Variants in SLC15A5 observed in about 807,000 individuals in gnomAD.
The protein encoded by SLC15A5 is solute carrier family 15 member 5.
A neutral mutation model predicts 56.1 loss-of-function variants in SLC15A5; 58 were observed. That is an observed-to-expected ratio of 1.03 (90% CI 0.84 to 1.29). The LOEUF is 1.29. Among genes scored for constraint, SLC15A5 ranks in the 50% most tolerant of loss-of-function variants. The probability of loss-of-function intolerance (pLI) is 0.00; values close to 1 mark genes in which losing one functional copy is unlikely to be tolerated. For synonymous variants in SLC15A5, 264 were observed against 250.5 expected (o/e 1.05, Z -0.51); for missense variants, 681 against 672.1 (o/e 1.01, Z -0.15).
chr12:16,260,241 C>T (rs546279543), intron 2 of SLC15A5, among the ~76,000 whole-genome samples: 112 of 152,214 alleles, frequency 7.4e-4, no homozygotes, highest in African/African-American at 2.5e-3. Context: ...TCGGCTCTTA[C>T]CCATCTGTAC....
intron 2 of SLC15A5, among the ~76,000 whole-genome samples, chr12:16,264,611 T>A (rs1333053587): frequency 1.3e-5 from 2 of 152,142 alleles, no homozygotes; most frequent in East Asian, 3.9e-4. Flanking sequence ...TGTGTCCCCA[T>A]CCAAATTTCA....
intron 2 of SLC15A5, among the ~76,000 whole-genome samples, chr12:16,261,422 C>T (rs1367543098): frequency 6.6e-6 from 1 of 152,080 alleles, no homozygotes; most frequent in Non-Finnish European, 1.5e-5. Context: ...GTACCCATTC[C>T]TCTCTGTTGC....
At chr12:16,230,577 C>A (rs1317777168) in intron 5 of SLC15A5, among the ~76,000 whole-genome samples, 1 of 152,054 alleles carries the variant, frequency 6.6e-6, no homozygotes, top group African/African-American at 2.4e-5. Flanking sequence ...ATTATTTACA[C>A]CCAGAGAATA....
intron 3 of SLC15A5, among the ~76,000 whole-genome samples, chr12:16,251,784 G>C (rs1352648855): frequency 6.8e-5 from 3 of 43,952 alleles, no homozygotes; most frequent in African/African-American, 1.8e-4. Context: ...CTCTTCCAAA[G>C]ACTCTAAAAA....
intron 4 of SLC15A5, 68 bp downstream of exon 4, chr12:16,244,512 C>G: frequency 7.1e-7 from 1 of 1,405,242 alleles, no homozygotes; most frequent in East Asian, 2.5e-5. Context: ...GAAAATTCAC[C>G]TTGACTTGCA....
chr12:16,240,710 T>C (rs1023787232), intron 4 of SLC15A5, among the ~76,000 whole-genome samples: 3 of 152,190 alleles, frequency 2.0e-5, no homozygotes, highest in Non-Finnish European at 4.4e-5. Flanking sequence ...GGCAACCGAG[T>C]GTGATATCAG....
intron 5 of SLC15A5, among the ~76,000 whole-genome samples, chr12:16,236,096 C>G (rs1864349554): frequency 1.3e-5 from 2 of 152,064 alleles, no homozygotes; most frequent in East Asian, 3.9e-4. Flanking sequence ...TTTGTGTAAG[C>G]CTTAATAACA....
intron 5 of SLC15A5, among the ~76,000 whole-genome samples, chr12:16,230,478 T>C (rs1257472268): frequency 6.6e-6 from 1 of 152,184 alleles, no homozygotes; most frequent in Non-Finnish European, 1.5e-5. Flanking sequence ...TTAATACTTG[T>C]CCCATAGGCT....
chr12:16,255,065 C>T (rs1002608310), intron 3 of SLC15A5, among the ~76,000 whole-genome samples: 5 of 151,970 alleles, frequency 3.3e-5, no homozygotes, highest in Admixed American at 6.6e-5. Flanking sequence ...ATTACTATAC[C>T]TTATATGTAT....
chr12:16,266,367 A>T (rs1427656715), intron 2 of SLC15A5, among the ~76,000 whole-genome samples: 1 of 152,214 alleles, frequency 6.6e-6, no homozygotes, highest in Admixed American at 6.5e-5. Flanking sequence ...CCACATGGTG[A>T]TGTAAACTGC....
chr12:16,239,694 C>T lies in SLC15A5; in HGVS notation c.1149G>A (p.Leu383=), dbSNP rs1565667391. Residue 383 remains leucine, a synonymous_variant, in exon 5 of 9, where the codon CTG becomes CTA. Transcript: ENST00000344941. The part of the protein sequence containing the change: ...LFPSKRVGSF[L]STCIIAGNLF... ...AATTGTACTTACTGATGCATGTTGA[C>T]AGAAATGATCCAACTCTCTTAGAGG... is the stretch of plus-strand genomic sequence containing the variant. The T allele has an allele frequency of 6.5e-7, 1 of 1,536,394 alleles. No individual in the cohort carries two copies. The highest frequency in any genetic ancestry group is 8.7e-7 in the Non-Finnish European group (1 of 1,146,632).
chr12:16,259,905 G>GT (rs1565673324), intron 2 of SLC15A5, among the ~76,000 whole-genome samples: 3 of 146,528 alleles, frequency 2.0e-5, no homozygotes, highest in East Asian at 1.9e-4. Context: ...CCCGGGCGGG[G>GT]GGTAAGTTAG....
intron 8 of SLC15A5, among the ~76,000 whole-genome samples, chr12:16,191,592 C>G (rs1863838799): frequency 6.6e-6 from 1 of 152,062 alleles, no homozygotes; most frequent in Non-Finnish European, 1.5e-5. Context: ...GACATCGGTA[C>G]TTTTCCCCAT....
chr12:16,216,870 G>A, intron 7 of SLC15A5, 23 bp downstream of exon 7: 2 of 1,529,898 alleles, frequency 1.3e-6, no homozygotes, highest in Non-Finnish European at 8.7e-7. Context: ...ATGTATATAA[G>A]CATGCCACGA....
intron 5 of SLC15A5, among the ~76,000 whole-genome samples, chr12:16,238,095 T>A (rs1864369841): frequency 6.6e-6 from 1 of 152,130 alleles, no homozygotes. Context: ...AAGAAATACA[T>A]CTCAAAAGGT....
intron 1 of SLC15A5, among the ~76,000 whole-genome samples, chr12:16,275,335 G>C (rs918456172): frequency 6.6e-6 from 1 of 152,056 alleles, no homozygotes; most frequent in Admixed American, 6.6e-5. Flanking sequence ...TTGGGGTTGC[G>C]TGTTGAACAA....
At chr12:16,224,326 A>T in intron 6 of SLC15A5, 88 bp downstream of exon 6, 1 of 1,262,492 alleles carries the variant, frequency 7.9e-7, no homozygotes, top group Non-Finnish European at 1.1e-6. Flanking sequence ...AATAGATGAC[A>T]TACCACTTTA....
intron 5 of SLC15A5, among the ~76,000 whole-genome samples, chr12:16,228,968 C>T (rs747792378): frequency 1.3e-5 from 2 of 152,104 alleles, no homozygotes; most frequent in Non-Finnish European, 2.9e-5. Flanking sequence ...CTGCGTTGTT[C>T]AAGGGTCAAC....
At chr12:16,253,352 G>C (rs1356187032) in intron 3 of SLC15A5, among the ~76,000 whole-genome samples, 1 of 152,056 alleles carries the variant, frequency 6.6e-6, no homozygotes, top group African/African-American at 2.4e-5. Flanking sequence ...GGCAACATAT[G>C]GAATGGGGGA....
Sources: allele counts gnomAD v4.1 joint callset (sites outside exome capture counted in the v4.1 genomes callset), GRCh38; gene constraint gnomAD v4.1.1; transcripts MANE v1.5; gene names NCBI Gene and HGNC (gene_info 2026-07-23, HGNC 2026-07-21).